DLG2: variants seen among roughly 807,000 people sequenced by gnomAD.
DLG2 encodes discs large MAGUK scaffold protein 2.
In DLG2, 45 loss-of-function variants were observed where a neutral mutation model predicts 132.5. That is an observed-to-expected ratio of 0.34 (90% CI 0.27 to 0.44). The LOEUF (loss-of-function observed/expected upper bound fraction) is 0.44. Among genes scored for constraint, DLG2 ranks in the 20% least tolerant of loss-of-function variants. The probability of loss-of-function intolerance (pLI) is 1.00; values close to 1 mark genes in which losing one functional copy is unlikely to be tolerated. For synonymous variants in DLG2, 424 were observed against 419.6 expected, an observed-to-expected ratio of 1.01 and a Z score of -0.13; for missense variants, 1,045 against 1,196.9, an observed-to-expected ratio of 0.87 and a Z score of 1.87.
intron 6 of DLG2, among the ~76,000 whole-genome samples, chr11:84,665,127 C>A (rs2099698565): frequency 6.6e-6 from 1 of 151,956 alleles, no homozygotes; most frequent in Admixed American, 6.6e-5. Flanking sequence ...GTAACACAAA[C>A]CTGTAAGTAA....
At chr11:84,925,467 G>C (rs1171648055) in intron 6 of DLG2, among the ~76,000 whole-genome samples, 1 of 152,090 alleles carries the variant, frequency 6.6e-6, no homozygotes, top group Non-Finnish European at 1.5e-5. Flanking sequence ...TATACCTGTA[G>C]ATTTACTGCC....
chr11:85,021,513 A>C (rs2060064446), intron 6 of DLG2: 1 of 1,534,308 alleles, frequency 6.5e-7, no homozygotes, highest in Non-Finnish European at 9.0e-7. Context: ...CGTTATGAAC[A>C]GAGGAGTCCA....
chr11:83,459,820 A>G lies in DLG2; in HGVS notation c.2926T>C (p.Ter976GlnextTer20), dbSNP rs373517718. The G allele has an allele frequency of 1.6e-5, 26 of 1,582,212 alleles. No individual in the cohort carries two copies. The highest frequency in any genetic ancestry group is 2.1e-5 in the Non-Finnish European group (24 of 1,150,980). Residue 976 changes from the stop codon to glutamine, a stop_lost, in exon 28 of 28, where the codon TAA (stop) becomes CAA (glutamine). Transcript: ENST00000376104. ...FIWIPSKEKL[*>Q] ...TTGTCAGAGGCGCAGTAGCTAATTT[A>G]TAACTTTTCCTTTGAGGGAATCCAG...
chr11:84,879,740 A>G (rs945786101), intron 6 of DLG2, among the ~76,000 whole-genome samples: 3 of 152,162 alleles, frequency 2.0e-5, no homozygotes, highest in Non-Finnish European at 2.9e-5. Flanking sequence ...AATCATATGT[A>G]TGTCATCTAT....
chr11:83,755,459 A>G (rs1033080851), intron 18 of DLG2, among the ~76,000 whole-genome samples: 5 of 151,350 alleles, frequency 3.3e-5, no homozygotes, highest in African/African-American at 1.2e-4. Flanking sequence ...AATATAATAC[A>G]CTGTAAGAAT....
intron 6 of DLG2, among the ~76,000 whole-genome samples, chr11:85,017,083 C>G (rs149123985): frequency 1.2e-3 from 185 of 152,292 alleles, no homozygotes; most frequent in Admixed American, 2.7e-3. Flanking sequence ...CTACAGATAT[C>G]TTATGGTCCT....
intron 7 of DLG2, among the ~76,000 whole-genome samples, chr11:84,331,460 AAT>A (rs2098458836): frequency 6.6e-6 from 1 of 150,850 alleles, no homozygotes; most frequent in South Asian, 2.1e-4. Flanking sequence ...AAAAAAAAAA[AAT>A]AAATAAATAA....
At chr11:84,338,225 C>T (rs565552702) in intron 7 of DLG2, among the ~76,000 whole-genome samples, 2 of 152,192 alleles carry the variant, frequency 1.3e-5, no homozygotes, top group Non-Finnish European at 2.9e-5. Flanking sequence ...TGTCCACAGA[C>T]GTTTACCCAA....
At chr11:85,536,441 C>G (rs945813587) in intron 3 of DLG2, among the ~76,000 whole-genome samples, 1 of 152,180 alleles carries the variant, frequency 6.6e-6, no homozygotes, top group African/African-American at 2.4e-5. Context: ...AGAACTAGAA[C>G]CCTATTGAGA....
intron 4 of DLG2, among the ~76,000 whole-genome samples, chr11:85,180,014 T>C (rs544650461): frequency 5.9e-5 from 9 of 152,080 alleles, no homozygotes; most frequent in African/African-American, 1.7e-4. Context: ...TTCCAGAGTT[T>C]AACCTTTGTG....
At chr11:84,647,500 A>G (rs1449705697) in intron 6 of DLG2, among the ~76,000 whole-genome samples, 1 of 152,194 alleles carries the variant, frequency 6.6e-6, no homozygotes, top group Non-Finnish European at 1.5e-5. Context: ...ATGTTTTCAA[A>G]ATTAAGTTTG....
chr11:84,858,049 C>G (rs116539531), intron 6 of DLG2, among the ~76,000 whole-genome samples: 1,723 of 152,036 alleles, frequency 0.011, 43 homozygotes, highest in African/African-American at 0.039. Context: ...CATGCCATCA[C>G]AGCTGGCTAA....
At chr11:84,902,249 G>C (rs2090977743) in intron 6 of DLG2, among the ~76,000 whole-genome samples, 1 of 152,120 alleles carries the variant, frequency 6.6e-6, no homozygotes, top group Non-Finnish European at 1.5e-5. Context: ...CATGGCTACA[G>C]TTGGAACCTG....
At chr11:84,893,220 G>A (rs756463863) in intron 6 of DLG2, among the ~76,000 whole-genome samples, 30 of 152,120 alleles carry the variant, frequency 2.0e-4, no homozygotes, top group Non-Finnish European at 4.0e-4. Flanking sequence ...GGAGCTTGTA[G>A]GATCAAGGGG....
chr11:85,297,576 C>T (rs1268968406), intron 3 of DLG2, among the ~76,000 whole-genome samples: 2 of 152,152 alleles, frequency 1.3e-5, no homozygotes, highest in Non-Finnish European at 2.9e-5. Flanking sequence ...CATCTATGAG[C>T]TTCTTCTCGT....
intron 7 of DLG2, among the ~76,000 whole-genome samples, chr11:84,390,505 G>T (rs2098788788): frequency 2.0e-5 from 3 of 152,160 alleles, no homozygotes; most frequent in Non-Finnish European, 4.4e-5. Context: ...CCTTTAAAGG[G>T]TTTGTAGGGG....
intron 9 of DLG2, among the ~76,000 whole-genome samples, chr11:84,142,767 G>A (rs2094909223): frequency 6.6e-6 from 1 of 152,094 alleles, no homozygotes; most frequent in African/African-American, 2.4e-5. Flanking sequence ...TTGGTCTCTA[G>A]ATTTTATATG....
chr11:84,317,223 C>A (rs2098369568), intron 7 of DLG2: 4 of 1,523,610 alleles, frequency 2.6e-6, no homozygotes, highest in Non-Finnish European at 3.5e-6. Context: ...TTCTTCCAGC[C>A]AGTTGTAAAA....
intron 10 of DLG2, among the ~76,000 whole-genome samples, chr11:84,060,811 T>C (rs1031418012): frequency 1.3e-5 from 2 of 151,594 alleles, no homozygotes; most frequent in African/African-American, 4.8e-5. Context: ...TTGATGCTTC[T>C]TTTCCCCCAC....
Sources: allele counts gnomAD v4.1 joint callset (sites outside exome capture counted in the v4.1 genomes callset), GRCh38; gene constraint gnomAD v4.1.1; transcripts MANE v1.5; gene names NCBI Gene and HGNC (gene_info 2026-07-23, HGNC 2026-07-21).